ATP1A4: variants seen among roughly 807,000 people sequenced by gnomAD.
ATP1A4 encodes the protein ATPase Na+/K+ transporting subunit alpha 4, also known as sodium/potassium-transporting ATPase subunit alpha-4.
In ATP1A4, 90 loss-of-function variants were observed where a neutral mutation model predicts 114.3. That is an observed-to-expected ratio of 0.79 (90% CI 0.66 to 0.94). The LOEUF is 0.94. ATP1A4 is among the 40% of genes least tolerant of loss of function. ATP1A4 has a pLI of 0.00. For missense variants in ATP1A4, 1,222 were observed against 1,313.6 expected, an observed-to-expected ratio of 0.93 and a Z score of 1.08; for synonymous variants, 511 against 494.1, an observed-to-expected ratio of 1.03 and a Z score of -0.45.
chr1:160,168,327 G>A (rs561956822), intron 10 of ATP1A4, among the ~76,000 whole-genome samples: 1 of 149,744 alleles, frequency 6.7e-6, no homozygotes, highest in African/African-American at 2.4e-5. Context: ...TCAGGTGTGG[G>A]TAAAATGTCT....
chr1:160,161,331 G>A (rs1652856825), intron 6 of ATP1A4, among the ~76,000 whole-genome samples: 1 of 152,154 alleles, frequency 6.6e-6, no homozygotes, highest in African/African-American at 2.4e-5. Flanking sequence ...TGACATGGCT[G>A]TGGCACAGAC....
Position 160,167,059 on chromosome 1 carries a change from G to A in ATP1A4, c.1338G>A (p.Glu446=), listed in dbSNP as rs1449156096. Residue 446 remains glutamate (E), a synonymous_variant, in exon 9 of 22, where the codon GAG becomes GAA. Transcript: ENST00000368081. The part of the protein sequence containing the change: ...CNRADFKANQ[E]ILPIAKRATT... ...GGGCTGACTTTAAGGCTAATCAGGA[G>A]ATCCTGCCCATTGCTAAGGTGTCAG... 1.2e-6 allele frequency: 2 copies of A among 1,613,978 alleles called. No homozygotes were observed. Among genetic ancestry groups the A allele is most frequent in the African/African-American group, 2.7e-5 (2 of 74,910 alleles).
intron 7 of ATP1A4, among the ~76,000 whole-genome samples, chr1:160,165,905 A>G (rs1653011721): frequency 6.6e-6 from 1 of 152,192 alleles, no homozygotes; most frequent in African/African-American, 2.4e-5. Context: ...AGATGCAAAG[A>G]TCCTGAGGGA....
chr1:160,186,890 T>C lies in ATP1A4; in HGVS notation c.*191T>C, dbSNP rs1210558237. On this transcript the variant is annotated 3_prime_UTR_variant, in exon 22 of 22. Coordinates refer to ENST00000368081, the MANE Select transcript of ATP1A4 (RefSeq NM_144699.4). ...AGGTGGGCTGAAGGGAAGCCCAGCC[T>C]GCATCTAGCTGGAGCCCCGCAGGGA... is the stretch of plus-strand genomic sequence containing the variant. The C allele has an allele frequency of 4.5e-6, 3 of 668,276 alleles. No homozygotes were observed. Among genetic ancestry groups the C allele is most frequent in the East Asian group, 2.8e-5 (1 of 36,166 alleles). 41.4% of individuals were successfully genotyped at this position (668,276 alleles called of 1,614,324 possible). A position where few individuals can be genotyped will look rare whatever the true frequency, so the allele number is the denominator to read the frequency against.
rs1484962255 is a variant in ATP1A4, at chr1:160,179,422, AAAGTT to A, written c.2736+1762_2736+1766del. 2.0e-5 allele frequency among the ~76,000 whole-genome samples: 3 copies of A among 152,236 alleles called. No individual in the cohort carries two copies. In the East Asian group the frequency reaches 5.8e-4, roughly 29 times the overall value. On this transcript the variant is annotated intron_variant, in intron 18 of 21. Coordinates refer to ENST00000368081, the MANE Select transcript of ATP1A4 (RefSeq NM_144699.4). ...GGTAATTAAAAGTAATTTGAGGTAA[AAAGTT>A]AAGAATTCCCCCCTGCACATTGAAG...
intron 4 of ATP1A4, among the ~76,000 whole-genome samples, chr1:160,157,591 A>C (rs561898390): frequency 1.5e-4 from 23 of 152,364 alleles, no homozygotes; most frequent in African/African-American, 5.5e-4. Flanking sequence ...AACTTACTGA[A>C]ATTGATAACT....
At chr1:160,158,097 G>T (rs1050475399) in intron 4 of ATP1A4, among the ~76,000 whole-genome samples, 19 of 151,552 alleles carry the variant, frequency 1.3e-4, no homozygotes, top group African/African-American at 4.6e-4. Flanking sequence ...AGGCATGGTC[G>T]GTTAGCTTTT....
intron 4 of ATP1A4, among the ~76,000 whole-genome samples, chr1:160,157,681 G>T (rs1244649353): frequency 1.3e-5 from 2 of 152,140 alleles, no homozygotes; most frequent in Non-Finnish European, 2.9e-5. Flanking sequence ...TCATGATGTA[G>T]GTAACTTACC....
rs922134849 is a variant in ATP1A4, at chr1:160,165,852, G to A, written c.1048-676G>A. 8.5e-5 allele frequency among the ~76,000 whole-genome samples: 13 copies of A among 152,212 alleles called. No homozygotes were observed. In the South Asian group the frequency reaches 2.3e-3, roughly 27 times the overall value. On this transcript the variant is annotated intron_variant, in intron 7 of 21. Coordinates refer to ENST00000368081, the MANE Select transcript of ATP1A4 (RefSeq NM_144699.4). ...CCCTGGAAAGATTGGACTTAAAGAGGTGTGGCCTAAACTTGAATGAAAAAG... is the reference window on the plus strand; with the variant it reads ...CCCTGGAAAGATTGGACTTAAAGAGATGTGGCCTAAACTTGAATGAAAAAG...
chr1:160,163,955 C>T (rs1652943342), intron 6 of ATP1A4, among the ~76,000 whole-genome samples: 1 of 152,122 alleles, frequency 6.6e-6, no homozygotes, highest in African/African-American at 2.4e-5. Flanking sequence ...ACACTCCTAT[C>T]ACTCAAGAAA....
chr1:160,154,467 T>A (rs1185087921), intron 2 of ATP1A4, among the ~76,000 whole-genome samples: 1 of 152,170 alleles, frequency 6.6e-6, no homozygotes, highest in Non-Finnish European at 1.5e-5. Context: ...ATCAGGGTAT[T>A]TAGGATACCC....
At chr1:160,159,973 G>C (rs981932506) in intron 6 of ATP1A4, among the ~76,000 whole-genome samples, 2 of 152,148 alleles carry the variant, frequency 1.3e-5, no homozygotes, top group Non-Finnish European at 2.9e-5. Flanking sequence ...TTGGAAACTT[G>C]AATTACCAGA....
At position 160,153,233 on chromosome 1, in the gene ATP1A4, G is replaced by A. The variant is rs955931314; in HGVS notation, c.207+9G>A. ...CCGTGGACCTGACAAAGGTGAGTAA[G>A]AAGCTCCCTGAGGAGGCAGAGAGTC... On this transcript the variant is annotated intron_variant, in intron 2 of 21. Coordinates refer to ENST00000368081, the MANE Select transcript of ATP1A4 (RefSeq NM_144699.4). The A allele has an allele frequency of 1.9e-6, 3 of 1,612,762 alleles. No homozygotes were observed. Among genetic ancestry groups the A allele is most frequent in the Admixed American group, 3.3e-5 (2 of 59,992 alleles).
In ATP1A4 at chr1:160,176,205, G is replaced by A. The variant is rs1189482299; in HGVS notation, c.2425G>A (p.Gly809Arg). ...CATCCTCGGTATACCCCTGCCTCTGGGAACCATAACCATCCTCTGCATTGA... is the reference window on the plus strand; with the variant it reads ...CATCCTCGGTATACCCCTGCCTCTGAGAACCATAACCATCCTCTGCATTGA... ...FIILGIPLPL[G>R]TITILCIDLG... Residue 809 changes from glycine (G) to arginine (R), a missense_variant, in exon 16 of 22, where the codon GGA becomes AGA. By Grantham distance (125) the Gly-to-Arg change is moderately radical (BLOSUM62 -2). Coordinates refer to ENST00000368081, the MANE Select transcript of ATP1A4 (RefSeq NM_144699.4). The A allele has an allele frequency of 4.0e-5, 64 of 1,613,926 alleles. No individual in the cohort carries two copies. Among genetic ancestry groups the A allele is most frequent in the Non-Finnish European group, 5.4e-5 (64 of 1,180,014 alleles).
At chr1:160,159,558 A>G in intron 6 of ATP1A4, 32 bp downstream of exon 6, 1 of 1,555,720 alleles carries the variant, frequency 6.4e-7, no homozygotes, top group East Asian at 2.3e-5. Context: ...GCATAGATTC[A>G]AAAGCAGGCA....
intron 20 of ATP1A4, among the ~76,000 whole-genome samples, chr1:160,185,302 G>A (rs568053149): frequency 4.0e-4 from 61 of 151,948 alleles, no homozygotes; most frequent in African/African-American, 1.3e-3. Context: ...TAGTAGAGAC[G>A]GCGTTTCACC....
At position 160,158,964 on chromosome 1, in the gene ATP1A4, A is replaced by G. The variant is rs138577379; in HGVS notation, c.526-38A>G. 119 of 1,597,182 alleles carry G rather than the reference A, an allele frequency of 7.5e-5. 1 individual carries two copies. In the East Asian group the frequency reaches 2.7e-3, roughly 36 times the overall value. On this transcript the variant is annotated intron_variant, in intron 4 of 21. Transcript: ENST00000368081. ...GGCTAAGAGTGGGATGAGGAAAGCCAAAAGTTTTGGAAATGATCCTGCACT... is the reference window on the plus strand; with the variant it reads ...GGCTAAGAGTGGGATGAGGAAAGCCGAAAGTTTTGGAAATGATCCTGCACT...
In ATP1A4 at chr1:160,151,943, T is replaced by C; in HGVS notation, c.-98T>C. ...TTCTCTCCCCACCACTCTCTTCTCG[T>C]GGCCCCCTTGCCCGCGCGCCCTCTT... On this transcript the variant is annotated 5_prime_UTR_variant, in exon 1 of 22. Coordinates refer to ENST00000368081, the MANE Select transcript of ATP1A4 (RefSeq NM_144699.4). 7.2e-7 allele frequency: 1 copy of C among 1,398,556 alleles called. No individual in the cohort carries two copies. The highest frequency in any genetic ancestry group is 1.5e-5 in the South Asian group (1 of 68,548). The allele number at this position is 1,398,556 out of a possible 1,614,324, so 86.6% of individuals were successfully genotyped here.
intron 18 of ATP1A4, among the ~76,000 whole-genome samples, chr1:160,178,127 TGG>T (rs1653550630): frequency 6.9e-6 from 1 of 145,130 alleles, no homozygotes; most frequent in Non-Finnish European, 1.5e-5. Context: ...GAGGCCGAAG[TGG>T]GCGGATCACT....
Sources: allele counts gnomAD v4.1 joint callset (sites outside exome capture counted in the v4.1 genomes callset), GRCh38; gene constraint gnomAD v4.1.1; transcripts MANE v1.5; gene names NCBI Gene and HGNC (gene_info 2026-07-23, HGNC 2026-07-21).